The following KIF26B variants were observed in gnomAD, a reference collection of about 807,000 sequenced individuals.
KIF26B encodes kinesin-like protein KIF26B.
In KIF26B, 63 loss-of-function variants were observed where a neutral mutation model predicts 151.2. That is an observed-to-expected ratio of 0.42 (90% confidence interval 0.34 to 0.51). The LOEUF (loss-of-function observed/expected upper bound fraction) is 0.51. Ranked by LOEUF, KIF26B falls within the 20% of genes least tolerant of loss-of-function variation. The probability of loss-of-function intolerance (pLI) is 0.07; values close to 1 mark genes in which losing one functional copy is unlikely to be tolerated. For missense variants in KIF26B, 2,813 were observed against 2,913.6 expected, an observed-to-expected ratio of 0.97 and a Z score of 0.79; for synonymous variants, 1,357 against 1,262.1, an observed-to-expected ratio of 1.08 and a Z score of -1.59.
chr1:245,278,909 C>G (rs1346411528), intron 2 of KIF26B, among the ~76,000 whole-genome samples: 1 of 152,166 alleles, frequency 6.6e-6, no homozygotes, highest in Non-Finnish European at 1.5e-5. Flanking sequence ...GGGACTTGCC[C>G]CCATGCAGGA....
In KIF26B at chr1:245,170,894, T is replaced by C. The variant is rs1668696660; in HGVS notation, c.465+14211T>C. On this transcript the variant is annotated intron_variant, in intron 2 of 14. Transcript: ENST00000407071. The surrounding 1 kb of genome is among the most constrained non-coding windows in gnomAD (Gnocchi z 4.4). The stretch of plus-strand genomic sequence containing the variant: ...ACACTGACCCCTCAGGCAGTGTTCA[T>C]GTTTGGTTTAATTTTTCCCTTTATC... 6.6e-6 allele frequency among the ~76,000 whole-genome samples: 1 copy of C among 152,206 alleles called. No individual in the cohort carries two copies. The highest frequency in any genetic ancestry group is 2.4e-5 in the African/African-American group (1 of 41,456).
chr1:245,699,456 G>A (rs967905613), intron 14 of KIF26B, among the ~76,000 whole-genome samples: 2 of 149,872 alleles, frequency 1.3e-5, no homozygotes, highest in South Asian at 2.1e-4. Flanking sequence ...GAAAAGCCAC[G>A]CAGAGAACCC....
At chr1:245,400,516 T>C (rs2103026700) in intron 3 of KIF26B, among the ~76,000 whole-genome samples, 1 of 140,690 alleles carries the variant, frequency 7.1e-6, no homozygotes, top group East Asian at 2.2e-4. Flanking sequence ...TGAAATTACC[T>C]TGGCTACTTG....
chr1:245,160,001 T>G lies in KIF26B; in HGVS notation c.465+3318T>G, dbSNP rs116014449. Among the ~76,000 whole-genome samples the G allele has an allele frequency of 3.9e-3, 595 of 152,350 alleles. 2 individuals carry two copies. Among genetic ancestry groups the G allele is most frequent in the Non-Finnish European group, 7.2e-3 (489 of 68,032 alleles). On this transcript the variant is annotated intron_variant, in intron 2 of 14. Coordinates refer to ENST00000407071, the MANE Select transcript of KIF26B (RefSeq NM_018012.4). ...GGATGATCATGAGTTTGGTTTTCCA[T>G]GCAGCGAGTCTGAGCTTTCTGGAAA...
At chr1:245,438,376 A>G (rs1378978380) in intron 4 of KIF26B, among the ~76,000 whole-genome samples, 1 of 152,234 alleles carries the variant, frequency 6.6e-6, no homozygotes, top group East Asian at 1.9e-4. Context: ...TTACTTCTTC[A>G]TCTTGTTCTT....
intron 3 of KIF26B, among the ~76,000 whole-genome samples, chr1:245,399,983 C>T (rs1354505398): frequency 1.3e-5 from 2 of 152,162 alleles, no homozygotes; most frequent in Admixed American, 6.6e-5. Context: ...GTATAATCCC[C>T]TACTTTCAAA....
chr1:245,253,492 T>G (rs73128803), intron 2 of KIF26B, among the ~76,000 whole-genome samples: 7,682 of 152,220 alleles, frequency 0.05, 234 homozygotes, highest in African/African-American at 0.084. Flanking sequence ...GCTTATAATT[T>G]TCTTTTCTTG....
At chr1:245,338,519 T>C (rs911687106) in intron 2 of KIF26B, among the ~76,000 whole-genome samples, 3 of 152,250 alleles carry the variant, frequency 2.0e-5, no homozygotes, top group Admixed American at 2.0e-4. Flanking sequence ...TGTGCTTATG[T>C]ATACATCTGA....
intron 5 of KIF26B, among the ~76,000 whole-genome samples, chr1:245,542,431 G>A (rs1661645581): frequency 6.6e-6 from 1 of 152,242 alleles, no homozygotes; most frequent in African/African-American, 2.4e-5. Flanking sequence ...TGGTGGGCAG[G>A]GCAGACAGTT....
chr1:245,523,432 A>G (rs1427330045), intron 4 of KIF26B, among the ~76,000 whole-genome samples: 1 of 152,230 alleles, frequency 6.6e-6, no homozygotes, highest in African/African-American at 2.4e-5. Context: ...CTAGAATCAC[A>G]GACAATACCT....
intron 5 of KIF26B, among the ~76,000 whole-genome samples, chr1:245,592,108 T>C (rs985660168): frequency 2.6e-5 from 4 of 152,170 alleles, no homozygotes; most frequent in African/African-American, 9.7e-5. Context: ...CTGCACATGC[T>C]CCCTCACACT....
intron 6 of KIF26B, among the ~76,000 whole-genome samples, chr1:245,604,932 C>G (rs565438679): frequency 6.6e-6 from 1 of 152,160 alleles, no homozygotes; most frequent in Non-Finnish European, 1.5e-5. Context: ...ACAAGGAAAC[C>G]GAGACTCAAA....
chr1:245,286,560 C>T (rs906944373), intron 2 of KIF26B, among the ~76,000 whole-genome samples: 2 of 151,954 alleles, frequency 1.3e-5, no homozygotes, highest in African/African-American at 2.4e-5. Flanking sequence ...AACAATAAAA[C>T]GTGTCAAACT....
intron 2 of KIF26B, among the ~76,000 whole-genome samples, chr1:245,217,081 A>G (rs1298535677): frequency 1.3e-5 from 2 of 152,134 alleles, no homozygotes; most frequent in Non-Finnish European, 2.9e-5. Context: ...GAGGTTCCCC[A>G]TTACTGTCTC....
intron 3 of KIF26B, among the ~76,000 whole-genome samples, chr1:245,414,546 GCTC>G (rs1313356847): frequency 1.3e-5 from 2 of 152,178 alleles, no homozygotes; most frequent in Non-Finnish European, 2.9e-5. Context: ...CCAAGCTTCA[GCTC>G]CTCCTCCTCC....
intron 2 of KIF26B, among the ~76,000 whole-genome samples, chr1:245,344,200 CTTTTT>C (rs1192936988): frequency 6.7e-6 from 1 of 148,880 alleles, no homozygotes; most frequent in Non-Finnish European, 1.5e-5. Context: ...CTTTCCTTTT[CTTTTT>C]TCTCTCCCTG....
intron 2 of KIF26B, among the ~76,000 whole-genome samples, chr1:245,246,835 TGG>T (rs948004543): frequency 6.6e-6 from 1 of 151,118 alleles, no homozygotes; most frequent in African/African-American, 2.4e-5. Context: ...TATATATAGA[TGG>T]GCCCTGAAAG....
At position 245,419,565 on chromosome 1, in the gene KIF26B, A is replaced by G; in HGVS notation, c.1000-14A>G. On this transcript the variant is annotated splice_polypyrimidine_tract_variant and intron_variant, in intron 3 of 14. Transcript: ENST00000407071. ...GCCACAGGTAATGAGCTCCGTATCC[A>G]TTTTCTTTGTCAGATCTCCCAGCTG... 1 of 1,602,912 alleles carries G rather than the reference A, an allele frequency of 6.2e-7. No homozygotes were observed. Among genetic ancestry groups the G allele is most frequent in the African/African-American group, 1.3e-5 (1 of 74,710 alleles).
chr1:245,634,542 T>A (rs959584641), intron 9 of KIF26B, among the ~76,000 whole-genome samples: 13 of 152,240 alleles, frequency 8.5e-5, no homozygotes, highest in African/African-American at 3.1e-4. Context: ...CAGGAATGAC[T>A]GAATTTTGGT....
Sources: gnomAD v4.1 joint callset for allele counts (sites outside exome capture counted in the v4.1 genomes callset) on GRCh38, gnomAD v4.1.1 for gene constraint, Gnocchi (gnomAD v3.1) non-coding constraint, MANE v1.5 for transcripts, NCBI Gene and HGNC (gene_info 2026-07-23, HGNC 2026-07-21) for gene names.